Variants in MIDEAS observed in about 807,000 individuals in gnomAD.
MIDEAS encodes mitotic deacetylase associated SANT domain protein.
Under a neutral mutation model 102.7 loss-of-function variants are expected in MIDEAS, and 26 were observed. The observed-to-expected ratio is 0.25, with a 90% CI of 0.19 to 0.35. The LOEUF is 0.35. Ranked by LOEUF, MIDEAS falls within the 10% of genes least tolerant of loss-of-function variation. The pLI is 1.00. For missense variants in MIDEAS, 1,231 were observed against 1,435.6 expected (o/e 0.86, Z 2.30); for synonymous variants, 585 against 591.0 (o/e 0.99, Z 0.15).
chr14:73,738,666 C>T lies in MIDEAS; in HGVS notation c.1343G>A (p.Gly448Asp), dbSNP rs754884289. ...CCGTCGCGTGCTCTGGATCACTCCG[C>T]CCCGTAGCACCTGCCCACAGTCCCC... ...STGDCGQVLR[G>D]GVIQSTRRRR... The change falls in exon 2 of 13, where the codon GGC becomes GAC. Residue 448 changes from glycine to aspartate, a missense_variant. By Grantham distance (94) the Gly-to-Asp change is moderately conservative. This residue lies in a region of MIDEAS where 758 missense variants were observed against 856.0 expected (regional missense o/e 0.89). Coordinates refer to ENST00000423556, the MANE Select transcript of MIDEAS (RefSeq NM_001367710.1). 4 of 1,613,866 alleles carry T rather than the reference C, an allele frequency of 2.5e-6. No individual in the cohort carries two copies. In the East Asian group the frequency reaches 6.7e-5, roughly 27 times the overall value.
At chr14:73,768,740 C>T (rs1200935936) in intron 1 of MIDEAS, among the ~76,000 whole-genome samples, 1 of 152,182 alleles carries the variant, frequency 6.6e-6, no homozygotes, top group Admixed American at 6.5e-5. Context: ...CCAGTGTCAG[C>T]TCCCAAAGTT....
intron 1 of MIDEAS, among the ~76,000 whole-genome samples, chr14:73,781,939 C>T (rs2053761651): frequency 6.6e-6 from 1 of 151,946 alleles, no homozygotes; most frequent in African/African-American, 2.4e-5. Flanking sequence ...CATCCATAAT[C>T]CCAGCTACTC....
chr14:73,750,606 C>A (rs1487999216), intron 1 of MIDEAS, among the ~76,000 whole-genome samples: 1 of 152,196 alleles, frequency 6.6e-6, no homozygotes, highest in South Asian at 2.1e-4. Flanking sequence ...AGCCTCCATG[C>A]CACATGGAGA....
At chr14:73,731,871 A>T (rs1555343041) in intron 3 of MIDEAS, among the ~76,000 whole-genome samples, 1 of 152,280 alleles carries the variant, frequency 6.6e-6, no homozygotes, top group Non-Finnish European at 1.5e-5. Flanking sequence ...TGCATGAAAG[A>T]AAGTATCTGT....
intron 1 of MIDEAS, among the ~76,000 whole-genome samples, chr14:73,768,511 C>CTTTTTT (rs59819061): frequency 1.3e-4 from 18 of 138,390 alleles, no homozygotes; most frequent in African/African-American, 5.1e-4. Flanking sequence ...TTATTGCCAA[C>CTTTTTT]TTTTTTTTTT....
At chr14:73,763,377 T>C (rs573122969), upstream of MIDEAS, among the ~76,000 whole-genome samples, 2 of 152,288 alleles carry the variant, frequency 1.3e-5, no homozygotes, top group South Asian at 4.1e-4. Context: ...TTTTATGGTG[T>C]GTGAAGTATA....
intron 1 of MIDEAS, among the ~76,000 whole-genome samples, chr14:73,767,815 T>C (rs1595294450): frequency 6.6e-6 from 1 of 152,116 alleles, no homozygotes. Flanking sequence ...CCTCTAATTT[T>C]CTGGATGACC....
At chr14:73,737,475 A>T (rs539317088) in intron 2 of MIDEAS, among the ~76,000 whole-genome samples, 178 bp from the exon 3 acceptor site, 13 of 152,092 alleles carry the variant, frequency 8.5e-5, no homozygotes, top group African/African-American at 2.4e-4. Flanking sequence ...AATAAAACAA[A>T]ATTAGCTGGG....
At chr14:73,752,102 C>T (rs1451392513) in intron 1 of MIDEAS, among the ~76,000 whole-genome samples, 3 of 152,164 alleles carry the variant, frequency 2.0e-5, no homozygotes, top group East Asian at 3.8e-4. Flanking sequence ...CAGAGTGTTG[C>T]TTCTCCCAAT....
At chr14:73,768,019 G>A (rs1056013536) in intron 1 of MIDEAS, among the ~76,000 whole-genome samples, 1 of 152,056 alleles carries the variant, frequency 6.6e-6, no homozygotes, top group Non-Finnish European at 1.5e-5. Context: ...AATTAGCCGG[G>A]CATGGTGGTG....
At chr14:73,771,911 G>A (rs2053645598) in intron 1 of MIDEAS, among the ~76,000 whole-genome samples, 1 of 152,266 alleles carries the variant, frequency 6.6e-6, no homozygotes, top group South Asian at 2.1e-4. Flanking sequence ...AGTTGGAACT[G>A]CAGAAGAAAG....
chr14:73,766,491 C>T (rs1447094773), intron 1 of MIDEAS, among the ~76,000 whole-genome samples: 1 of 152,174 alleles, frequency 6.6e-6, no homozygotes, highest in Non-Finnish European at 1.5e-5. Context: ...AATCAGGATG[C>T]ATCTTACAAT....
intron 5 of MIDEAS, 184 bp downstream of exon 5, chr14:73,727,274 G>C (rs1365205649): frequency 1.5e-6 from 1 of 681,334 alleles, no homozygotes; most frequent in Non-Finnish European, 2.5e-6. Context: ...GCCCTTCCCT[G>C]CAACTTCCAC....
chr14:73,759,451 C>T lies in MIDEAS; in HGVS notation c.-248+312G>A, dbSNP rs1423962745. On this transcript the variant is annotated intron_variant, in intron 1 of 12. Transcript: ENST00000423556. The surrounding 1 kb of genome is among the most constrained non-coding windows in gnomAD (Gnocchi z 6.7). ...GGGGCCGCGCCCGGGTGGGCGGGGGCCGCGCGCAAGCTGCGTAGCTGCACA... is the reference window on the plus strand; with the variant it reads ...GGGGCCGCGCCCGGGTGGGCGGGGGTCGCGCGCAAGCTGCGTAGCTGCACA... Among the ~76,000 whole-genome samples the T allele has an allele frequency of 1.3e-5, 2 of 151,190 alleles. No individual in the cohort carries two copies. Among genetic ancestry groups the T allele is most frequent in the African/African-American group, 2.4e-5 (1 of 41,226 alleles).
intron 1 of MIDEAS, among the ~76,000 whole-genome samples, chr14:73,744,962 C>G (rs893554163): frequency 6.6e-6 from 1 of 152,314 alleles, no homozygotes; most frequent in East Asian, 1.9e-4. Flanking sequence ...CCCCAGCAGA[C>G]AGCAGGCTCC....
At chr14:73,780,101 C>T (rs567833624) in intron 1 of MIDEAS, among the ~76,000 whole-genome samples, 1 of 151,298 alleles carries the variant, frequency 6.6e-6, no homozygotes, top group East Asian at 2.0e-4. Flanking sequence ...GTCTCCATCT[C>T]CCGACCTCAT....
intron 4 of MIDEAS, 150 bp downstream of exon 4, chr14:73,729,490 A>T: frequency 1.5e-6 from 1 of 658,332 alleles, no homozygotes; most frequent in East Asian, 2.8e-5. Flanking sequence ...GAACCAGGAC[A>T]ACCTCCTTCT....
Position 73,737,067 on chromosome 14 carries a change from C to T in MIDEAS, c.1680G>A (p.Glu560=). 1 of 1,614,178 alleles carries T rather than the reference C, an allele frequency of 6.2e-7. No homozygotes were observed. Residue 560 remains glutamate, a synonymous_variant, in exon 3 of 13, where the codon GAG becomes GAA. Coordinates refer to ENST00000423556, the MANE Select transcript of MIDEAS (RefSeq NM_001367710.1). ...GGGTGACGATGACTGATGGCTTGTG[C>T]TCAGCAGGGTTCTGTTCAGGACCCT... The part of the protein sequence containing the change: ...DGKGPEQNPA[E]HKPSVIVTRR...
At chr14:73,741,545 G>A (rs1346847149) in intron 1 of MIDEAS, among the ~76,000 whole-genome samples, 1 of 152,164 alleles carries the variant, frequency 6.6e-6, no homozygotes, top group Non-Finnish European at 1.5e-5. Context: ...CCAGCCAGCA[G>A]CAGCGGAGGG....
Sources: gnomAD v4.1 joint callset for allele counts (sites outside exome capture counted in the v4.1 genomes callset) on GRCh38, gnomAD v4.1.1 for gene constraint, gnomAD v4.1.1 regional missense constraint, Gnocchi (gnomAD v3.1) non-coding constraint, MANE v1.5 for transcripts, NCBI Gene and HGNC (gene_info 2026-07-23, HGNC 2026-07-21) for gene names.